Variants in ASCC1 observed in about 807,000 individuals in gnomAD.
ASCC1 encodes the protein ASC-1 complex subunit P50.
Under a neutral mutation model 46.6 loss-of-function variants are expected in ASCC1, and 35 were observed. That is an observed-to-expected ratio of 0.75 (90% CI 0.57 to 0.99). The LOEUF is 0.99. Ranked by LOEUF, ASCC1 falls within the 50% of genes least tolerant of loss-of-function variation. The probability of loss-of-function intolerance (pLI) is 0.00; values close to 1 mark genes in which losing one functional copy is unlikely to be tolerated. For synonymous variants in ASCC1, 143 were observed against 146.6 expected, an observed-to-expected ratio of 0.98 and a Z score of 0.18; for missense variants, 376 against 428.7, an observed-to-expected ratio of 0.88 and a Z score of 1.09.
intron 5 of ASCC1, among the ~76,000 whole-genome samples, chr10:72,162,259 C>T (rs1405456797): frequency 6.6e-6 from 1 of 152,162 alleles, no homozygotes; most frequent in African/African-American, 2.4e-5. Context: ...CAAGCTCTGC[C>T]TCCTGAGTTC....
chr10:72,147,999 G>A (rs995344260), intron 7 of ASCC1, among the ~76,000 whole-genome samples: 5 of 152,076 alleles, frequency 3.3e-5, no homozygotes, highest in Non-Finnish European at 7.4e-5. Context: ...TCTTTTTAAC[G>A]GGGATGACAT....
At chr10:72,211,887 T>C (rs1182694246) in intron 2 of ASCC1, among the ~76,000 whole-genome samples, 1 of 151,804 alleles carries the variant, frequency 6.6e-6, no homozygotes, top group East Asian at 1.9e-4. Flanking sequence ...ATAATAAAAA[T>C]TAAACAACAA....
intron 9 of ASCC1, among the ~76,000 whole-genome samples, chr10:72,105,672 A>G (rs1404651048): frequency 6.6e-6 from 1 of 152,086 alleles, no homozygotes; most frequent in Non-Finnish European, 1.5e-5. Context: ...GAAGCCTACC[A>G]TTTTCAGTTT....
chr10:72,116,194 G>C (rs1456452117), intron 9 of ASCC1, among the ~76,000 whole-genome samples: 4 of 152,162 alleles, frequency 2.6e-5, no homozygotes, highest in Non-Finnish European at 1.5e-5. Context: ...AATGTAATAA[G>C]AATAGTAAAA....
At chr10:72,201,167 T>C (rs192808381) in intron 4 of ASCC1, among the ~76,000 whole-genome samples, 30 of 152,166 alleles carry the variant, frequency 2.0e-4, no homozygotes, top group Admixed American at 2.0e-3. Context: ...TGTGTGTGTA[T>C]GACAGGGTCT....
intron 6 of ASCC1, 112 bp downstream of exon 6, chr10:72,161,426 C>G: frequency 7.2e-7 from 1 of 1,384,830 alleles, no homozygotes; most frequent in African/African-American, 1.4e-5. Context: ...TCCATCAAAT[C>G]ACATGAGTCC....
At chr10:72,174,877 T>C (rs1322205356) in intron 5 of ASCC1, among the ~76,000 whole-genome samples, 1 of 152,166 alleles carries the variant, frequency 6.6e-6, no homozygotes. Flanking sequence ...CCTACAAACT[T>C]TTTACATGTT....
intron 7 of ASCC1, 39 bp from the exon 8 acceptor site, chr10:72,133,220 A>G (rs918992057): frequency 6.2e-7 from 1 of 1,609,946 alleles, no homozygotes; most frequent in Non-Finnish European, 8.5e-7. Flanking sequence ...AAATCTTAGT[A>G]AACTTCTGAA....
At chr10:72,154,498 T>G (rs1033166451) in intron 6 of ASCC1, among the ~76,000 whole-genome samples, 1 of 151,724 alleles carries the variant, frequency 6.6e-6, no homozygotes, top group African/African-American at 2.4e-5. Context: ...ATAGGGTTTT[T>G]TTTTTTTTTT....
intron 5 of ASCC1, among the ~76,000 whole-genome samples, chr10:72,162,461 G>T (rs543233554): frequency 6.6e-6 from 1 of 151,764 alleles, no homozygotes; most frequent in East Asian, 2.0e-4. Context: ...GTGAGCCACC[G>T]CGCCTGGCCC....
In ASCC1 at chr10:72,161,638, T is replaced by C. The variant is rs1293707779; in HGVS notation, c.526A>G (p.Lys176Glu). The change falls in exon 6 of 10, where the codon AAA (lysine) becomes GAA (glutamate). Residue 176 changes from lysine to glutamate, a missense_variant. Coordinates refer to ENST00000672957, the MANE Select transcript of ASCC1 (RefSeq NM_001198800.3). ...ATCCCAATAGTTAGATGAAGCTTTT[T>C]AGGATTCTGGAAAATGCTGCTGTCA... ...GVDSSIFQNP[K>E]KLHLTIGMLV... 4 of 1,614,022 alleles carry C rather than the reference T, an allele frequency of 2.5e-6. No homozygotes were observed. The highest frequency in any genetic ancestry group is 1.3e-5 in the African/African-American group (1 of 74,902).
chr10:72,155,675 A>G (rs1188482301), intron 6 of ASCC1, among the ~76,000 whole-genome samples: 1 of 152,232 alleles, frequency 6.6e-6, no homozygotes, highest in Non-Finnish European at 1.5e-5. Context: ...TGGTTTTCCT[A>G]AAATTAACAC....
intron 7 of ASCC1, among the ~76,000 whole-genome samples, chr10:72,139,293 T>C (rs1298956495): frequency 1.3e-5 from 2 of 151,960 alleles, no homozygotes; most frequent in African/African-American, 4.8e-5. Context: ...TTTTGTATTT[T>C]TTAGTAGAGA....
chr10:72,145,881 C>A (rs1426614067), intron 7 of ASCC1, among the ~76,000 whole-genome samples: 1 of 152,092 alleles, frequency 6.6e-6, no homozygotes, highest in Non-Finnish European at 1.5e-5. Flanking sequence ...AAACAAATGA[C>A]CAAATGGAAA....
chr10:72,137,076 A>AT (rs551575555), intron 7 of ASCC1, among the ~76,000 whole-genome samples: 29 of 147,738 alleles, frequency 2.0e-4, no homozygotes, highest in South Asian at 1.1e-3. Flanking sequence ...TGCCCAGCTA[A>AT]TTTTTTTTTT....
intron 9 of ASCC1, among the ~76,000 whole-genome samples, chr10:72,122,167 T>A (rs1189763707): frequency 1.3e-5 from 2 of 152,280 alleles, no homozygotes; most frequent in South Asian, 2.1e-4. Flanking sequence ...ACGCCTGTAA[T>A]CCCAACACTT....
At chr10:72,209,579 T>C (rs1356694203) in intron 3 of ASCC1, among the ~76,000 whole-genome samples, 3 of 151,936 alleles carry the variant, frequency 2.0e-5, no homozygotes, top group Admixed American at 6.6e-5. Context: ...AGGTCAGTAG[T>C]TCGAGACCAG....
Position 72,101,611 on chromosome 10 carries a change from T to A in ASCC1, c.958-4161A>T, listed in dbSNP as rs531593214. Among the ~76,000 whole-genome samples the A allele has an allele frequency of 3.3e-5, 5 of 152,174 alleles. No homozygotes were observed. The East Asian group carries it at 9.6e-4, about 29-fold the overall frequency. ...AGGAAGGAGAATCAGATTAAGGGTG[T>A]CTGGGGGACCTGAGGCTCAAGTTCA... On this transcript the variant is annotated intron_variant, in intron 9 of 9. Transcript: ENST00000672957.
At chr10:72,201,902 C>T (rs1404345176) in intron 4 of ASCC1, among the ~76,000 whole-genome samples, 6 of 151,198 alleles carry the variant, frequency 4.0e-5, no homozygotes, top group East Asian at 1.9e-4. Context: ...CATGCCACTA[C>T]ACTCCAGCCT....
Sources: gnomAD v4.1 joint callset for allele counts (sites outside exome capture counted in the v4.1 genomes callset) on GRCh38, gnomAD v4.1.1 for gene constraint, MANE v1.5 for transcripts, NCBI Gene and HGNC (gene_info 2026-07-23, HGNC 2026-07-21) for gene names.